The following ZDHHC11B variants were observed in gnomAD, a reference collection of about 807,000 sequenced individuals.
ZDHHC11B encodes the protein zDHHC palmitoyltransferase 11B (putative).
In ZDHHC11B, 17 loss-of-function variants were observed where a neutral mutation model predicts 42.3. The ratio of observed to expected loss-of-function variants is 0.40; its 90% CI spans 0.27 to 0.60. The LOEUF (loss-of-function observed/expected upper bound fraction) is 0.60, where lower values mean the gene tolerates loss of function less well. ZDHHC11B is among the 20% of genes least tolerant of loss of function. The pLI is 0.41. For synonymous variants in ZDHHC11B, 123 were observed against 193.5 expected, an observed-to-expected ratio of 0.64 and a Z score of 3.02; for missense variants, 262 against 463.2, an observed-to-expected ratio of 0.57 and a Z score of 3.99.
intron 4 of ZDHHC11B, among the ~76,000 whole-genome samples, chr5:760,840 CT>C (rs1415168706): frequency 5.9e-5 from 9 of 151,558 alleles, no homozygotes. Flanking sequence ...CAAGGAACCG[CT>C]GCGTCCCCAC....
At chr5:725,247 C>T (rs1191727527) in intron 12 of ZDHHC11B, among the ~76,000 whole-genome samples, 2 of 142,758 alleles carry the variant, frequency 1.4e-5, no homozygotes, top group African/African-American at 2.8e-5. Context: ...CCGGATCTGC[C>T]GGCGCCTTGA....
intron 4 of ZDHHC11B, among the ~76,000 whole-genome samples, chr5:757,596 G>C (rs1734039198): frequency 6.6e-6 from 1 of 151,956 alleles, no homozygotes; most frequent in African/African-American, 2.4e-5. Flanking sequence ...TGGGAAGCCT[G>C]AGTGTGAAGC....
intron 8 of ZDHHC11B, chr5:748,026 C>T (rs75756990): frequency 0.13 from 53,106 of 402,132 alleles, 5,508 homozygotes; most frequent in African/African-American, 0.22. Flanking sequence ...TCTACTTGTG[C>T]TTTTGGAAGT....
chr5:758,049 G>T (rs1734096337), intron 4 of ZDHHC11B, among the ~76,000 whole-genome samples: 1 of 151,820 alleles, frequency 6.6e-6, no homozygotes, highest in Non-Finnish European at 1.5e-5. Context: ...TCCAGCTGGT[G>T]ACACTGACAT....
At chr5:735,707 A>G (rs1163675735) in intron 10 of ZDHHC11B, among the ~76,000 whole-genome samples, 1 of 148,272 alleles carries the variant, frequency 6.7e-6, no homozygotes, top group Non-Finnish European at 1.5e-5. Context: ...TTTTGTATTC[A>G]GCAAAACTAT....
At chr5:754,561 G>A (rs1746330221) in intron 6 of ZDHHC11B, among the ~76,000 whole-genome samples, 1 of 106,750 alleles carries the variant, frequency 9.4e-6, no homozygotes, top group Non-Finnish European at 1.9e-5. Flanking sequence ...ACCGTGCTCA[G>A]GGGAAACACC....
intron 12 of ZDHHC11B, among the ~76,000 whole-genome samples, chr5:721,780 G>A (rs1252221820): frequency 4.6e-5 from 7 of 151,716 alleles, no homozygotes; most frequent in African/African-American, 9.7e-5. Context: ...TGAATAACTA[G>A]AGCCTTTCGT....
intron 13 of ZDHHC11B, among the ~76,000 whole-genome samples, chr5:715,399 G>A (rs1160639048): frequency 6.6e-6 from 1 of 151,344 alleles, no homozygotes; most frequent in African/African-American, 2.4e-5. Flanking sequence ...CGTAGACTCA[G>A]GTGCTGTTCT....
At chr5:722,694 A>T (rs563038765) in intron 12 of ZDHHC11B, among the ~76,000 whole-genome samples, 5 of 151,734 alleles carry the variant, frequency 3.3e-5, no homozygotes, top group African/African-American at 9.7e-5. Flanking sequence ...ACAACAGGAG[A>T]TCTGTCAAGA....
chr5:771,800 C>A (rs1347714629), intron 1 of ZDHHC11B, among the ~76,000 whole-genome samples: 1 of 148,610 alleles, frequency 6.7e-6, no homozygotes, highest in Non-Finnish European at 1.5e-5. Flanking sequence ...CTCAGGGCTG[C>A]GTTCTGTGGT....
intron 12 of ZDHHC11B, among the ~76,000 whole-genome samples, chr5:729,012 C>CAAAAAAAAAAAAAAA: frequency 7.4e-6 from 1 of 134,888 alleles, no homozygotes; most frequent in African/African-American, 2.7e-5. Context: ...GACCCTGTCT[C>CAAAAAAAAAAAAAAA]AAAAAAAAAA....
intron 1 of ZDHHC11B, among the ~76,000 whole-genome samples, chr5:783,960 C>T (rs1427936057): frequency 7.3e-5 from 11 of 150,860 alleles, no homozygotes; most frequent in Non-Finnish European, 1.5e-4. Context: ...GCTCCGTTTA[C>T]GTAACCGAAA....
intron 12 of ZDHHC11B, among the ~76,000 whole-genome samples, chr5:729,586 G>T (rs1742858833): frequency 6.6e-6 from 1 of 151,140 alleles, no homozygotes; most frequent in South Asian, 2.1e-4. Context: ...CTGTGCACCT[G>T]GGGTGGTTTG....
intron 12 of ZDHHC11B, among the ~76,000 whole-genome samples, chr5:729,354 C>A (rs1430582945): frequency 1.3e-5 from 2 of 151,132 alleles, no homozygotes; most frequent in Non-Finnish European, 2.9e-5. Flanking sequence ...GGTCCTAGGC[C>A]AGGACGGCTG....
intron 12 of ZDHHC11B, among the ~76,000 whole-genome samples, chr5:725,133 C>A (rs1426801851): frequency 6.6e-6 from 1 of 151,380 alleles, no homozygotes; most frequent in Non-Finnish European, 1.5e-5. Flanking sequence ...TTCGTGAGTG[C>A]CTTCAGAACA....
At chr5:744,870 CAA>C (rs375791362) in intron 9 of ZDHHC11B, among the ~76,000 whole-genome samples, 6 of 129,840 alleles carry the variant, frequency 4.6e-5, no homozygotes, top group Admixed American at 1.6e-4. Flanking sequence ...GACTCTGTCT[CAA>C]AAAAAAAAAA....
intron 7 of ZDHHC11B, 108 bp downstream of exon 7, chr5:751,025 C>T (rs372721590): frequency 0.14 from 103,614 of 763,538 alleles, 8,470 homozygotes; most frequent in African/African-American, 0.52. Context: ...CTGCCTGCCC[C>T]GGCCTCTCCC....
chr5:764,625 G>A lies in ZDHHC11B; in HGVS notation c.222+2073C>T, dbSNP rs576139876. Among the ~76,000 whole-genome samples the A allele has an allele frequency of 9.2e-5, 14 of 151,964 alleles. No individual in the cohort carries two copies. In the South Asian group the frequency reaches 2.3e-3, roughly 25 times the overall value. Reference sequence around the variant, plus strand: ...GGGCAGGGCTCAGGACCTGCAGCCCGCCATGCCTGAGCCTCCCCGCTGCCA... The same window carrying A: ...GGGCAGGGCTCAGGACCTGCAGCCCACCATGCCTGAGCCTCCCCGCTGCCA... On this transcript the variant is annotated intron_variant, in intron 4 of 13. Coordinates refer to ENST00000508859, the MANE Select transcript of ZDHHC11B (RefSeq NM_001351303.2).
chr5:751,844 G>C (rs1469667627), intron 6 of ZDHHC11B, among the ~76,000 whole-genome samples: 3 of 119,862 alleles, frequency 2.5e-5, no homozygotes, highest in Non-Finnish European at 5.6e-5. Flanking sequence ...TCTTGCAAAC[G>C]TGATTGCCTT....
Sources: gnomAD v4.1 joint callset for allele counts (sites outside exome capture counted in the v4.1 genomes callset) on GRCh38, gnomAD v4.1.1 for gene constraint, MANE v1.5 for transcripts, NCBI Gene and HGNC (gene_info 2026-07-23, HGNC 2026-07-21) for gene names.